DNAH5: variants seen among roughly 807,000 people sequenced by gnomAD.
The protein encoded by DNAH5 is dynein axonemal heavy chain 5, also known as axonemal beta dynein heavy chain 5.
Under a neutral mutation model 518.2 loss-of-function variants are expected in DNAH5, and 372 were observed. The ratio of observed to expected loss-of-function variants is 0.72; its 90% confidence interval spans 0.66 to 0.78. The LOEUF (loss-of-function observed/expected upper bound fraction) is 0.78, where lower values mean the gene tolerates loss of function less well. Ranked by LOEUF, DNAH5 falls within the 30% of genes least tolerant of loss-of-function variation. The pLI, the probability that DNAH5 is intolerant of heterozygous loss-of-function variation, is 0.00. For synonymous variants in DNAH5, 2,039 were observed against 2,025.9 expected (o/e 1.01, Z -0.17); for missense variants, 5,523 against 5,687.0 (o/e 0.97, Z 0.93).
In DNAH5 at chr5:13,721,170, C is replaced by G. The variant is rs775060022; in HGVS notation, c.12109G>C (p.Glu4037Gln). The change falls in exon 71 of 79, where the codon GAG becomes CAG. Residue 4037 changes from glutamate (E) to glutamine (Q), a missense_variant. Physicochemically the swap from Glu to Gln is conservative, Grantham distance 29. This residue lies in a region of DNAH5 where 5,121 missense variants were observed against 5,223.3 expected (regional missense o/e 0.98). Transcript: ENST00000265104. Reference sequence around the variant, plus strand: ...AGTGGCGTCCGTGGATCAGATTCCTCCCACGTCTTCTCCAAGTCTAAAATA... The same window carrying G: ...AGTGGCGTCCGTGGATCAGATTCCTGCCACGTCTTCTCCAAGTCTAAAATA... ...GVILDLEKTW[E>Q]ESDPRTPLIC... The G allele has an allele frequency of 6.2e-6, 10 of 1,614,012 alleles. No homozygotes were observed. In the Admixed American group the frequency reaches 1.0e-4, roughly 16 times the overall value.
intron 1 of DNAH5, among the ~76,000 whole-genome samples, chr5:14,011,594 C>T (rs999406239): frequency 8.5e-5 from 13 of 152,128 alleles, no homozygotes; most frequent in African/African-American, 3.1e-4. Flanking sequence ...CGCGCATGCG[C>T]CGCGGCGGCC....
At chr5:13,709,133 C>T (rs1743173916) in intron 75 of DNAH5, among the ~76,000 whole-genome samples, 1 of 152,176 alleles carries the variant, frequency 6.6e-6, no homozygotes, top group Non-Finnish European at 1.5e-5. Context: ...ATCCCCTTGA[C>T]TAAAGGTCCT....
intron 68 of DNAH5, among the ~76,000 whole-genome samples, chr5:13,733,441 G>A (rs754367141): frequency 6.6e-6 from 1 of 152,268 alleles, no homozygotes; most frequent in Middle Eastern, 3.4e-3. Flanking sequence ...AGAAACGGGG[G>A]ACTAGAGTCA....
intron 12 of DNAH5, among the ~76,000 whole-genome samples, chr5:13,907,806 C>T (rs983985592): frequency 6.6e-6 from 1 of 152,134 alleles, no homozygotes; most frequent in Non-Finnish European, 1.5e-5. Context: ...TTTTATATTT[C>T]ATGCTTCAAG....
intron 70 of DNAH5, among the ~76,000 whole-genome samples, chr5:13,724,203 T>A (rs928354755): frequency 6.6e-6 from 1 of 152,200 alleles, no homozygotes; most frequent in African/African-American, 2.4e-5. Context: ...CTTCTCAAAG[T>A]TTTGGGAGCC....
intron 32 of DNAH5, 129 bp downstream of exon 32, chr5:13,844,708 A>G: frequency 8.5e-7 from 1 of 1,177,180 alleles, no homozygotes; most frequent in South Asian, 1.2e-5. Flanking sequence ...ATTTGTTTTT[A>G]GTCACTGGCC....
chr5:13,922,840 G>A (rs545927517), intron 4 of DNAH5, among the ~76,000 whole-genome samples: 110 of 151,660 alleles, frequency 7.3e-4, no homozygotes, highest in African/African-American at 2.6e-3. Context: ...AATACCAGAT[G>A]TTTACCAGTT....
rs75825756 is a variant in DNAH5, at chr5:13,991,832, C to T, written c.12+19816G>A. ...ATTTCTTTTTCTCTGTCCCTCAGCA[C>T]AGACTTTAGGCAAAAATCTCCATCT... On this transcript the variant is annotated intron_variant, in intron 1 of 78. Coordinates refer to the DNAH5 transcript ENST00000681290. Among the ~76,000 whole-genome samples the T allele has an allele frequency of 6.5e-3, 991 of 152,254 alleles. 33 individuals are homozygous for T. The East Asian group carries it at 0.13, about 20-fold the overall frequency.
At chr5:13,978,339 T>C (rs887376046) in intron 1 of DNAH5, among the ~76,000 whole-genome samples, 5 of 152,304 alleles carry the variant, frequency 3.3e-5, no homozygotes, top group African/African-American at 9.6e-5. Context: ...GTACGGGAGA[T>C]TACCGTCCAG....
At chr5:13,949,824 A>G (rs1278424653) in intron 1 of DNAH5, among the ~76,000 whole-genome samples, 1 of 152,176 alleles carries the variant, frequency 6.6e-6, no homozygotes, top group East Asian at 1.9e-4. Flanking sequence ...ACTTCCACAT[A>G]CCTGTAGAAA....
chr5:13,711,740 G>A (rs972681438), intron 75 of DNAH5, among the ~76,000 whole-genome samples: 2 of 152,118 alleles, frequency 1.3e-5, no homozygotes, highest in Non-Finnish European at 2.9e-5. Context: ...TGACCAAGTG[G>A]AGAATCAAAT....
At chr5:13,777,966 G>A (rs1306037068) in intron 53 of DNAH5, among the ~76,000 whole-genome samples, 1 of 152,158 alleles carries the variant, frequency 6.6e-6, no homozygotes, top group African/African-American at 2.4e-5. Context: ...AGGTGGAAGT[G>A]AACCTACAAT....
At position 13,885,038 on chromosome 5, in the gene DNAH5, T is replaced by C; in HGVS notation, c.2934A>G (p.Leu978=). Residue 978 remains leucine (L), a synonymous_variant, in exon 19 of 79, where the codon CTA becomes CTG. Transcript: ENST00000265104. ...DALLKVTRNT[L]EAIRKRIHSS... is the part of the protein sequence containing the mutation. ...AATGAATACGTTTGCGAATGGCCTC[T>C]AGTGTATTCCTTGTAACTTTCAGAA... is the stretch of plus-strand genomic sequence containing the variant. The C allele has an allele frequency of 1.2e-6, 2 of 1,614,214 alleles. No homozygotes were observed. Among genetic ancestry groups the C allele is most frequent in the Non-Finnish European group, 1.7e-6 (2 of 1,180,020 alleles).
At chr5:13,770,659 C>A in intron 56 of DNAH5, 90 bp downstream of exon 56, 8 of 1,170,926 alleles carry the variant, frequency 6.8e-6, no homozygotes, top group Admixed American at 3.8e-5. Context: ...AAAATGTCTC[C>A]GGTCATTGCA....
intron 42 of DNAH5, among the ~76,000 whole-genome samples, chr5:13,816,641 C>G (rs1231465475): frequency 1.3e-5 from 2 of 151,016 alleles, no homozygotes; most frequent in Admixed American, 6.6e-5. Context: ...GTTAGTGGAA[C>G]AAATCAGGAA....
chr5:13,783,256 G>A (rs189254720), intron 52 of DNAH5, among the ~76,000 whole-genome samples: 1 of 152,260 alleles, frequency 6.6e-6, no homozygotes, highest in East Asian at 1.9e-4. Context: ...TTCAGTATGA[G>A]GTATGGAAAT....
At chr5:13,819,328 ATCT>A (rs1761925119) in intron 41 of DNAH5, among the ~76,000 whole-genome samples, 1 of 152,196 alleles carries the variant, frequency 6.6e-6, no homozygotes, top group African/African-American at 2.4e-5. Flanking sequence ...AACACACTTT[ATCT>A]CAGTCTGAGG....
At chr5:13,711,688 A>G (rs1481128242) in intron 75 of DNAH5, among the ~76,000 whole-genome samples, 1 of 152,256 alleles carries the variant, frequency 6.6e-6, no homozygotes, top group Non-Finnish European at 1.5e-5. Flanking sequence ...TACAAGATTA[A>G]TGTACACAAA....
At position 13,714,475 on chromosome 5, in the gene DNAH5, C is replaced by T. The variant is rs376585054; in HGVS notation, c.13055G>A (p.Arg4352Gln). 7 of 1,614,034 alleles carry T rather than the reference C, an allele frequency of 4.3e-6. No individual in the cohort carries two copies. Among genetic ancestry groups the T allele is most frequent in the Admixed American group, 1.7e-5 (1 of 60,002 alleles). ...KDTSGGGDETREAVVARLADD... is the reference protein window; with the variant it reads ...KDTSGGGDETQEAVVARLADD... Reference sequence around the variant, plus strand: ...AGCCAGCCGGGCCACCACCGCCTCCCGGGTCTCATCCCCTCCACCAGAGGT... The same window carrying T: ...AGCCAGCCGGGCCACCACCGCCTCCTGGGTCTCATCCCCTCCACCAGAGGT... Residue 4352 changes from arginine to glutamine, a missense_variant, in exon 75 of 79, where the codon CGG (arginine) becomes CAG (glutamine). By Grantham distance (43) the Arg-to-Gln change is conservative (BLOSUM62 1). Transcript: ENST00000265104.
Sources: gnomAD v4.1 joint callset for allele counts (sites outside exome capture counted in the v4.1 genomes callset) on GRCh38, gnomAD v4.1.1 for gene constraint, gnomAD v4.1.1 regional missense constraint, MANE v1.5 for transcripts, NCBI Gene and HGNC (gene_info 2026-07-23, HGNC 2026-07-21) for gene names.